GABRB2: variants seen among roughly 807,000 people sequenced by gnomAD.
GABRB2 encodes gamma-aminobutyric acid receptor subunit beta-2.
In GABRB2, 16 loss-of-function variants were observed where a neutral mutation model predicts 54.7. The observed-to-expected ratio is 0.29, with a 90% CI of 0.20 to 0.44. The LOEUF (loss-of-function observed/expected upper bound fraction) is 0.44. GABRB2 is among the 20% of genes least tolerant of loss of function. The probability of loss-of-function intolerance (pLI) is 1.00; values close to 1 mark genes in which losing one functional copy is unlikely to be tolerated. For missense variants in GABRB2, 355 were observed against 644.0 expected, an observed-to-expected ratio of 0.55 and a Z score of 4.86; for synonymous variants, 244 against 233.8, an observed-to-expected ratio of 1.04 and a Z score of -0.40.
At chr5:161,410,388 T>TCA (rs1491564761) in intron 5 of GABRB2, among the ~76,000 whole-genome samples, 7,750 of 149,652 alleles carry the variant, frequency 0.052, 270 homozygotes, top group Middle Eastern at 0.097. Flanking sequence ...TAAACAGAAT[T>TCA]CTCACACACA....
intron 4 of GABRB2, among the ~76,000 whole-genome samples, chr5:161,428,452 T>C (rs1485410063): frequency 6.6e-6 from 1 of 152,122 alleles, no homozygotes; most frequent in Non-Finnish European, 1.5e-5. Context: ...CTTTGACCTA[T>C]ATCTCCTCAT....
At chr5:161,374,236 G>T (rs752044295) in intron 5 of GABRB2, among the ~76,000 whole-genome samples, 1 of 152,100 alleles carries the variant, frequency 6.6e-6, no homozygotes, top group African/African-American at 2.4e-5. Flanking sequence ...GAGCCACCAC[G>T]CCTGGCCCCA....
chr5:161,357,081 G>A lies in GABRB2; in HGVS notation c.542-20312C>T, dbSNP rs57317829. Among the ~76,000 whole-genome samples, 1,178 of 152,272 alleles carry A rather than the reference G, an allele frequency of 7.7e-3. 10 individuals carry two copies. Among genetic ancestry groups the A allele is most frequent in the African/African-American group, 0.015 (643 of 41,562 alleles). On this transcript the variant is annotated intron_variant, in intron 5 of 9. Transcript: ENST00000393959. ...CAGGAGTAACAAATAGGTGAATTAC[G>A]TACTATGTTTGAAAATAATATGAGT...
At position 161,504,293 on chromosome 5, in the gene GABRB2, T is replaced by C. The variant is rs1326444401; in HGVS notation, c.237+40934A>G. Reference sequence around the variant, plus strand: ...TTTACTAAAATAACCTAATAAACCATGTGCAAGGATATTCAATGAGTCTTA... The same window carrying C: ...TTTACTAAAATAACCTAATAAACCACGTGCAAGGATATTCAATGAGTCTTA... On this transcript the variant is annotated intron_variant, in intron 3 of 9. Transcript: ENST00000393959. 2.0e-5 allele frequency among the ~76,000 whole-genome samples: 3 copies of C among 152,284 alleles called. No individual in the cohort carries two copies. In the East Asian group the frequency reaches 5.8e-4, roughly 29 times the overall value.
chr5:161,525,918 A>C (rs1357564127), intron 3 of GABRB2, among the ~76,000 whole-genome samples: 1 of 151,288 alleles, frequency 6.6e-6, no homozygotes, highest in Non-Finnish European at 1.5e-5. Flanking sequence ...GAGTGTACAC[A>C]TGCACATATC....
intron 5 of GABRB2, among the ~76,000 whole-genome samples, chr5:161,386,299 T>C (rs1755629189): frequency 1.3e-5 from 2 of 152,110 alleles, no homozygotes; most frequent in South Asian, 4.1e-4. Context: ...TAATTTTCGA[T>C]GTCATTCAAT....
At chr5:161,386,013 A>T (rs1755622109) in intron 5 of GABRB2, among the ~76,000 whole-genome samples, 1 of 145,350 alleles carries the variant, frequency 6.9e-6, no homozygotes, top group South Asian at 2.2e-4. Flanking sequence ...GAGAATTCCC[A>T]ATTCGAATTA....
At chr5:161,327,798 G>A (rs1758413528) in intron 8 of GABRB2, among the ~76,000 whole-genome samples, 1 of 151,848 alleles carries the variant, frequency 6.6e-6, no homozygotes, top group Admixed American at 6.6e-5. Context: ...TCCCACTCCT[G>A]ATTTTCCCAG....
chr5:161,483,849 C>T (rs762250096), intron 3 of GABRB2, among the ~76,000 whole-genome samples: 2 of 151,654 alleles, frequency 1.3e-5, no homozygotes, highest in Non-Finnish European at 2.9e-5. Flanking sequence ...CTCCCAAATC[C>T]CTGACAGATG....
At chr5:161,339,937 T>C (rs578148221) in intron 5 of GABRB2, among the ~76,000 whole-genome samples, 2 of 151,902 alleles carry the variant, frequency 1.3e-5, no homozygotes, top group Middle Eastern at 3.2e-3. Flanking sequence ...AAAAAATACA[T>C]GCTATGTTTA....
chr5:161,305,605 T>C (rs1324157538), intron 9 of GABRB2, among the ~76,000 whole-genome samples: 1 of 152,232 alleles, frequency 6.6e-6, no homozygotes, highest in Non-Finnish European at 1.5e-5. Flanking sequence ...TGGAGAGAGA[T>C]AACTGATCTA....
chr5:161,444,843 T>TTC (rs1273736923), intron 4 of GABRB2, among the ~76,000 whole-genome samples: 11 of 152,314 alleles, frequency 7.2e-5, no homozygotes, highest in African/African-American at 2.4e-4. Context: ...GATTTAATGC[T>TTC]TCTCTTTTTA....
chr5:161,323,835 A>G (rs1016192800), intron 9 of GABRB2, among the ~76,000 whole-genome samples: 1 of 152,216 alleles, frequency 6.6e-6, no homozygotes, highest in Non-Finnish European at 1.5e-5. Flanking sequence ...CCACACTCTC[A>G]GATGGCTATT....
Position 161,330,961 on chromosome 5 carries a change from C to T in GABRB2, c.999G>A (p.Arg333=), listed in dbSNP as rs768748467. 3 of 1,614,170 alleles carry T rather than the reference C, an allele frequency of 1.9e-6. No homozygotes were observed. The highest frequency in any genetic ancestry group is 8.5e-7 in the Non-Finnish European group (1 of 1,180,028). The change falls in exon 8 of 10, where the codon AGG becomes AGA. Residue 333 remains arginine, a synonymous_variant. Coordinates refer to ENST00000393959, the MANE Select transcript of GABRB2 (RefSeq NM_001371727.1). ...YALVNYIFFG[R]GPQRQKKAAE... is the part of the protein sequence containing the mutation. ...CTGCTTTCTTTTGGCGTTGGGGCCC[C>T]CTCCCAAAGAAGATGTAGTTGACTA...
At chr5:161,437,545 G>A (rs1265979347) in intron 4 of GABRB2, among the ~76,000 whole-genome samples, 8 of 151,908 alleles carry the variant, frequency 5.3e-5, no homozygotes, top group Non-Finnish European at 8.8e-5. Flanking sequence ...AATCTTGCTG[G>A]CGTCAGGTAA....
chr5:161,367,560 T>C (rs1214521925), intron 5 of GABRB2, among the ~76,000 whole-genome samples: 4 of 152,224 alleles, frequency 2.6e-5, no homozygotes, highest in Admixed American at 2.6e-4. Flanking sequence ...TTTTCCAATT[T>C]GCACTTTAGA....
At chr5:161,386,094 A>G (rs927396821) in intron 5 of GABRB2, among the ~76,000 whole-genome samples, 1 of 151,820 alleles carries the variant, frequency 6.6e-6, no homozygotes, top group African/African-American at 2.4e-5. Flanking sequence ...GTTTCCACAG[A>G]TTTGTAATTT....
intron 5 of GABRB2, among the ~76,000 whole-genome samples, chr5:161,393,090 TA>T (rs1755881988): frequency 6.6e-6 from 1 of 150,592 alleles, no homozygotes; most frequent in Non-Finnish European, 1.5e-5. Context: ...TTTTAAAAAA[TA>T]AAAAAATAAA....
intron 3 of GABRB2, among the ~76,000 whole-genome samples, chr5:161,476,393 A>T (rs1758591900): frequency 6.6e-6 from 1 of 151,938 alleles, no homozygotes; most frequent in South Asian, 2.1e-4. Flanking sequence ...TGCAATTCTT[A>T]TCAAAATCTG....
Sources: gnomAD v4.1 joint callset for allele counts (sites outside exome capture counted in the v4.1 genomes callset) on GRCh38, gnomAD v4.1.1 for gene constraint, MANE v1.5 for transcripts, NCBI Gene and HGNC (gene_info 2026-07-23, HGNC 2026-07-21) for gene names.